DNAAF1: variants seen among roughly 807,000 people sequenced by gnomAD.
The protein encoded by DNAAF1 is dynein assembly factor 1, axonemal.
In DNAAF1, 65 loss-of-function variants were observed where a neutral mutation model predicts 71.1. The observed-to-expected ratio is 0.91, with a 90% CI of 0.75 to 1.12. The LOEUF (loss-of-function observed/expected upper bound fraction) is 1.12. Among genes scored for constraint, DNAAF1 ranks in the 50% most tolerant of loss-of-function variants. DNAAF1 has a pLI of 0.00. For synonymous variants in DNAAF1, 414 were observed against 354.6 expected (o/e 1.17, Z -1.88); for missense variants, 1,178 against 899.8 (o/e 1.31, Z -3.96).
Position 84,169,236 on chromosome 16 carries a change from G to A in DNAAF1, c.1031-623G>A, listed in dbSNP as rs146516373. On this transcript the variant is annotated intron_variant, in intron 7 of 11. Transcript: ENST00000378553. ...TTATAGGCATGTGCCACCCCGCCCA[G>A]CTATTATTATTTTTTTGTATTTTTT... 3.5e-3 allele frequency among the ~76,000 whole-genome samples: 516 copies of A among 146,706 alleles called. 1 individual carries two copies. The highest frequency in any genetic ancestry group is 0.014 in the Middle Eastern group (4 of 286).
chr16:84,157,794 G>A (rs542456245), intron 5 of DNAAF1, among the ~76,000 whole-genome samples: 1 of 152,168 alleles, frequency 6.6e-6, no homozygotes, highest in Non-Finnish European at 1.5e-5. Context: ...CAAAAGACTA[G>A]TTTAGAACTG....
At chr16:84,166,377 T>C (rs1008252869) in intron 7 of DNAAF1, among the ~76,000 whole-genome samples, 2 of 117,920 alleles carry the variant, frequency 1.7e-5, no homozygotes, top group Admixed American at 1.6e-4. Context: ...TTTCTTTTTT[T>C]TTTTTTTTTT....
intron 4 of DNAAF1, among the ~76,000 whole-genome samples, 190 bp downstream of exon 4, chr16:84,154,988 A>G (rs2087348275): frequency 6.6e-6 from 1 of 151,222 alleles, no homozygotes; most frequent in Admixed American, 6.6e-5. Flanking sequence ...AGCTCACTGC[A>G]AGCTCTGCCT....
intron 6 of DNAAF1, among the ~76,000 whole-genome samples, chr16:84,165,556 A>T (rs551823144): frequency 3.3e-5 from 5 of 152,044 alleles, no homozygotes; most frequent in Non-Finnish European, 7.4e-5. Flanking sequence ...ATGGAGTCCG[A>T]TTTCTCTATT....
intron 5 of DNAAF1, chr16:84,159,347 A>T: frequency 1.2e-6 from 1 of 823,148 alleles, no homozygotes; most frequent in African/African-American, 1.8e-5. Flanking sequence ...TTTCAGTAAA[A>T]GAGGTTGGGT....
At chr16:84,160,364 G>A (rs1169069355) in intron 6 of DNAAF1, among the ~76,000 whole-genome samples, 3 of 152,254 alleles carry the variant, frequency 2.0e-5, no homozygotes, top group Middle Eastern at 3.4e-3. Context: ...TTACCGATTT[G>A]TAAGGGCTTC....
Position 84,175,792 on chromosome 16 carries a change from T to G in DNAAF1, c.1699-141T>G, listed in dbSNP as rs984051106. ...CCCCCAGGCCTAACTTTCAGAGTCC[T>G]GTGTTCCCTTGGGCCTTTCTTGGAT... On this transcript the variant is annotated intron_variant, in intron 10 of 11. Transcript: ENST00000378553. 7.4e-6 allele frequency: 8 copies of G among 1,087,474 alleles called. No individual in the cohort carries two copies. The African/African-American group carries it at 1.2e-4, about 17-fold the overall frequency. The allele number at this position is 1,087,474 out of a possible 1,614,324, so 67.4% of individuals were successfully genotyped here. A position where few individuals can be genotyped will look rare whatever the true frequency, so the allele number is the denominator to read the frequency against.
chr16:84,172,618 G>A, intron 9 of DNAAF1: 1 of 1,346,582 alleles, frequency 7.4e-7, no homozygotes, highest in Non-Finnish European at 9.6e-7. Context: ...CAAGTTTGGG[G>A]AGCCCTGACC....
chr16:84,169,231 G>A (rs900655439), intron 7 of DNAAF1, among the ~76,000 whole-genome samples: 5 of 147,634 alleles, frequency 3.4e-5, no homozygotes, highest in East Asian at 2.0e-4. Context: ...GTGCCACCCC[G>A]CCCAGCTATT....
At chr16:84,169,759 C>G in intron 7 of DNAAF1, 100 bp from the exon 8 acceptor site, 1 of 1,543,392 alleles carries the variant, frequency 6.5e-7, no homozygotes, top group Non-Finnish European at 8.9e-7. Flanking sequence ...CTGACCTTTT[C>G]CCTGGTCTCA....
intron 3 of DNAAF1, among the ~76,000 whole-genome samples, chr16:84,152,908 G>C (rs1206559091): frequency 1.3e-5 from 2 of 151,030 alleles, no homozygotes; most frequent in African/African-American, 4.9e-5. Flanking sequence ...AGTGAGCCGA[G>C]ATTGTGCAAT....
In DNAAF1 at chr16:84,165,946, A is replaced by T. The variant is rs1175389896; in HGVS notation, c.1027A>T (p.Arg343Ter). ...GAAAAGACAGAGAGAGAGTCAAGAGAGAGGTATGCGCTCGGCCGAAGACAA... is the reference window on the plus strand; with the variant it reads ...GAAAAGACAGAGAGAGAGTCAAGAGTGAGGTATGCGCTCGGCCGAAGACAA... ...ERKRQRESQE[R>*]GEMTSSDDGE... Residue 343 changes from arginine to a stop codon, truncating the protein, a stop_gained, in exon 7 of 12, where the codon AGA becomes TGA. Coordinates refer to ENST00000378553, the MANE Select transcript of DNAAF1 (RefSeq NM_178452.6). LOFTEE classifies it high-confidence loss of function. The T allele has an allele frequency of 1.2e-6, 2 of 1,612,228 alleles. No individual in the cohort carries two copies. The highest frequency in any genetic ancestry group is 3.3e-5 in the Admixed American group (2 of 59,810).
chr16:84,149,014 T>C lies in DNAAF1; in HGVS notation c.132T>C (p.Asn44=). The C allele has an allele frequency of 6.2e-7, 1 of 1,614,112 alleles. No homozygotes were observed. The highest frequency in any genetic ancestry group is 1.3e-5 in the African/African-American group (1 of 75,032). Reference sequence around the variant, plus strand: ...ATCTCTTTTATTTTACAGAAATTAATGATCCTAAGGAAATATGTGTGGGTT... The same window carrying C: ...ATCTCTTTTATTTTACAGAAATTAACGATCCTAAGGAAATATGTGTGGGTT... ...AGRGGCKEEI[N]DPKEICVGSS... The change falls in exon 2 of 12, where the codon AAT becomes AAC. Residue 44 remains asparagine, a synonymous_variant. Transcript: ENST00000378553.
In DNAAF1 at chr16:84,155,583, C is replaced by T. The variant is rs1445809791; in HGVS notation, c.575C>T (p.Ser192Phe). The T allele has an allele frequency of 2.5e-6, 4 of 1,613,932 alleles. No individual in the cohort carries two copies. Among genetic ancestry groups the T allele is most frequent in the South Asian group, 1.1e-5 (1 of 91,084 alleles). The change falls in exon 5 of 12, where the codon TCC becomes TTC. Residue 192 changes from serine to phenylalanine, a missense_variant and splice_region_variant. By Grantham distance (155) the Ser-to-Phe change is radical. Coordinates refer to ENST00000378553, the MANE Select transcript of DNAAF1 (RefSeq NM_178452.6). ...GACTTCTGCTGACCTTACCTTCCAG[C>T]CTGCCTCCCAGTCCTGAACACATTG... ...NNYIKTIENL[S>F]CLPVLNTLQM...
chr16:84,155,451 ACCT>A lies in DNAAF1; in HGVS notation c.575-128_575-126del, dbSNP rs1394618035. 2.8e-6 allele frequency: 3 copies of A among 1,057,746 alleles called. No homozygotes were observed. The African/African-American group carries it at 4.8e-5, about 17-fold the overall frequency. 65.5% of individuals were successfully genotyped at this position (1,057,746 alleles called of 1,614,324 possible). Reference sequence around the variant, plus strand: ...ACTGTGTTGCCCAGGCTGGTCTCAAACCTCCTGGGCTCGAAAGATTCTCCCGCT... The same window carrying A: ...ACTGTGTTGCCCAGGCTGGTCTCAAACCTGGGCTCGAAAGATTCTCCCGCT... On this transcript the variant is annotated intron_variant, in intron 4 of 11. Transcript: ENST00000378553.
chr16:84,174,671 C>G lies in DNAAF1; in HGVS notation c.1647C>G (p.Asp549Glu). The G allele has an allele frequency of 6.2e-7, 1 of 1,614,124 alleles. No individual in the cohort carries two copies. Among genetic ancestry groups the G allele is most frequent in the African/African-American group, 1.3e-5 (1 of 75,046 alleles). The change falls in exon 10 of 12, where the codon GAC (aspartate) becomes GAG (glutamate). Residue 549 changes from aspartate to glutamate, a missense_variant and splice_region_variant. Coordinates refer to ENST00000378553, the MANE Select transcript of DNAAF1 (RefSeq NM_178452.6). ...LETKETFCID[D>E]LPDLEDDDET... ...GTGCGGCTCACTTGCTCTTTCAGGACCTACCTGACTTGGAAGATGATGATG... is the reference window on the plus strand; with the variant it reads ...GTGCGGCTCACTTGCTCTTTCAGGAGCTACCTGACTTGGAAGATGATGATG...
In DNAAF1 at chr16:84,174,694, A is replaced by C; in HGVS notation, c.1670A>C (p.Asp557Ala). Residue 557 changes from aspartate to alanine, a missense_variant, in exon 10 of 12, where the codon GAT (aspartate) becomes GCT (alanine). Transcript: ENST00000378553. Reference protein sequence around the residue: ...IDDLPDLEDDDETGKSLEDQN... With the variant: ...IDDLPDLEDDAETGKSLEDQN... ...GACCTACCTGACTTGGAAGATGATG[A>C]TGAAACAGGCAAATCTCTGGAAGAC... The C allele has an allele frequency of 6.2e-7, 1 of 1,614,178 alleles. No individual in the cohort carries two copies. Among genetic ancestry groups the C allele is most frequent in the Non-Finnish European group, 8.5e-7 (1 of 1,180,028 alleles).
rs764675314 is a variant in DNAAF1, at chr16:84,154,643, G to C, written c.419G>C (p.Gly140Ala). 6.2e-7 allele frequency: 1 copy of C among 1,614,132 alleles called. No homozygotes were observed. Among genetic ancestry groups the C allele is most frequent in the South Asian group, 1.1e-5 (1 of 91,080 alleles). ...CGCTGTCTCTGGCTGCAGAGCAATG[G>C]AATACAGAAAATCGAAAACCTGGAG... ...GLRCLWLQSNGIQKIENLEAQ... is the reference protein window; with the variant it reads ...GLRCLWLQSNAIQKIENLEAQ... Residue 140 changes from glycine to alanine, a missense_variant, in exon 4 of 12, where the codon GGA becomes GCA. Coordinates refer to ENST00000378553, the MANE Select transcript of DNAAF1 (RefSeq NM_178452.6).
chr16:84,156,712 C>T (rs1462059657), intron 5 of DNAAF1, among the ~76,000 whole-genome samples: 1 of 152,216 alleles, frequency 6.6e-6, no homozygotes, highest in Admixed American at 6.5e-5. Context: ...AATGCTTCTA[C>T]ACTTCTACAA....
Sources: gnomAD v4.1 joint callset for allele counts (sites outside exome capture counted in the v4.1 genomes callset) on GRCh38, gnomAD v4.1.1 for gene constraint, MANE v1.5 for transcripts, NCBI Gene and HGNC (gene_info 2026-07-23, HGNC 2026-07-21) for gene names.